Variants in TAPT1 observed in about 807,000 individuals in gnomAD.
TAPT1 encodes transmembrane anterior posterior transformation 1.
In TAPT1, 28 loss-of-function variants were observed where a neutral mutation model predicts 65.6. The observed-to-expected ratio is 0.43, with a 90% CI of 0.32 to 0.59. The LOEUF (loss-of-function observed/expected upper bound fraction) is 0.59. TAPT1 is among the 20% of genes least tolerant of loss of function. The pLI is 0.09. For missense variants in TAPT1, 563 were observed against 679.9 expected (o/e 0.83, Z 1.91); for synonymous variants, 278 against 245.2 (o/e 1.13, Z -1.25).
chr4:16,184,323 C>CA (rs1560163454), intron 7 of TAPT1, among the ~76,000 whole-genome samples: 6 of 152,306 alleles, frequency 3.9e-5, no homozygotes, highest in Non-Finnish European at 5.9e-5. Flanking sequence ...CTGAGACCTA[C>CA]ATAGCTGACA....
intron 5 of TAPT1, among the ~76,000 whole-genome samples, chr4:16,187,852 A>C (rs557961705): frequency 4.6e-5 from 7 of 152,318 alleles, no homozygotes; most frequent in African/African-American, 1.7e-4. Flanking sequence ...TAAGCCCATA[A>C]AAAAGAATTC....
Position 16,226,470 on chromosome 4 carries a change from A to G in TAPT1, c.-13T>C. On this transcript the variant is annotated 5_prime_UTR_variant, in exon 1 of 14. Coordinates refer to ENST00000405303, the MANE Select transcript of TAPT1 (RefSeq NM_153365.3). ...CGACGCCCGCCATGTTCCGAGCACA[A>G]CAAACTGTCCCCGCCGCCTCCCTCC... The G allele has an allele frequency of 9.5e-7, 1 of 1,053,286 alleles. No individual in the cohort carries two copies. Among genetic ancestry groups the G allele is most frequent in the Non-Finnish European group, 1.1e-6 (1 of 876,356 alleles). The allele number at this position is 1,053,286 out of a possible 1,614,324, so 65.2% of individuals were successfully genotyped here.
intron 2 of TAPT1, among the ~76,000 whole-genome samples, chr4:16,203,906 T>C (rs954059001): frequency 6.6e-6 from 1 of 152,218 alleles, no homozygotes; most frequent in African/African-American, 2.4e-5. Flanking sequence ...TCTGAATATA[T>C]AGGCCCTTTT....
chr4:16,186,485 C>G, intron 7 of TAPT1, 50 bp downstream of exon 7: 1 of 1,260,566 alleles, frequency 7.9e-7, no homozygotes. Context: ...TCAGAATGAA[C>G]TGCAAAATAA....
At chr4:16,211,443 T>A (rs1223995057) in intron 2 of TAPT1, among the ~76,000 whole-genome samples, 1 of 152,190 alleles carries the variant, frequency 6.6e-6, no homozygotes, top group East Asian at 1.9e-4. Flanking sequence ...GGAATTAAAC[T>A]GAAACCTAAA....
chr4:16,174,544 T>C (rs112953108), intron 10 of TAPT1, 126 bp downstream of exon 10: 50 of 814,056 alleles, frequency 6.1e-5, no homozygotes, highest in Non-Finnish European at 8.8e-5. Flanking sequence ...GTGTTGAGAA[T>C]AGAGATCAGT....
At chr4:16,166,982 C>T (rs1164610371) in intron 12 of TAPT1, 189 bp from the exon 13 acceptor site, 2 of 401,204 alleles carry the variant, frequency 5.0e-6, no homozygotes, top group Non-Finnish European at 8.9e-6. Flanking sequence ...TTCGGAATTC[C>T]TTAGTTCTCT....
chr4:16,187,996 CAG>C lies in TAPT1; in HGVS notation c.748+222_748+223del, dbSNP rs1749123431. On this transcript the variant is annotated intron_variant, in intron 5 of 13. Transcript: ENST00000405303. ...TCCTTATAATCAGTTACACTGCAAA[CAG>C]AACTGTTTTCCAGCAGCTCAAAGAG... is the stretch of plus-strand genomic sequence containing the variant. Among the ~76,000 whole-genome samples the C allele has an allele frequency of 2.0e-5, 3 of 152,144 alleles. No individual in the cohort carries two copies. In the South Asian group the frequency reaches 6.2e-4, roughly 31 times the overall value.
In TAPT1 at chr4:16,213,821, C is replaced by T. The variant is rs767696888; in HGVS notation, c.277G>A (p.Glu93Lys). 6.2e-7 allele frequency: 1 copy of T among 1,607,130 alleles called. No individual in the cohort carries two copies. Among genetic ancestry groups the T allele is most frequent in the Non-Finnish European group, 8.5e-7 (1 of 1,178,054 alleles). ...CAAGTGTATACTCTTTCTCTTCTTT[C>T]TGTATACTTGGCCTCATTATGTTCA... ...FLEHNEAKYT[E>K]RRERVYTCLR... The change falls in exon 2 of 14, where the codon GAA (glutamate) becomes AAA (lysine). Residue 93 changes from glutamate to lysine, a missense_variant. Transcript: ENST00000405303.
chr4:16,223,560 G>C (rs1751379359), intron 1 of TAPT1, among the ~76,000 whole-genome samples: 1 of 152,186 alleles, frequency 6.6e-6, no homozygotes, highest in African/African-American at 2.4e-5. Flanking sequence ...TATGTTAAAA[G>C]GTGTAAGTAC....
At chr4:16,178,500 G>A (rs921886626) in intron 8 of TAPT1, among the ~76,000 whole-genome samples, 1 of 152,212 alleles carries the variant, frequency 6.6e-6, no homozygotes, top group South Asian at 2.1e-4. Context: ...CAACAAAAAC[G>A]TCAGACATTC....
At chr4:16,201,956 T>C (rs185203427) in intron 3 of TAPT1, among the ~76,000 whole-genome samples, 1 of 152,232 alleles carries the variant, frequency 6.6e-6, no homozygotes, top group Admixed American at 6.5e-5. Flanking sequence ...CACAAATCAG[T>C]CTCGTCCATA....
intron 3 of TAPT1, among the ~76,000 whole-genome samples, chr4:16,194,933 TG>T (rs1392918805): frequency 7.9e-5 from 12 of 151,900 alleles, no homozygotes; most frequent in Admixed American, 7.9e-4. Context: ...GGTTTCACCA[TG>T]TTGGCCAGGA....
chr4:16,164,567 T>C (rs1366844302), intron 13 of TAPT1, among the ~76,000 whole-genome samples: 1 of 152,180 alleles, frequency 6.6e-6, no homozygotes, highest in Non-Finnish European at 1.5e-5. Context: ...GGATCCTCCT[T>C]GAAAGCAAGA....
chr4:16,166,441 G>A (rs1364392288), intron 13 of TAPT1, among the ~76,000 whole-genome samples, 192 bp downstream of exon 13: 3 of 152,196 alleles, frequency 2.0e-5, no homozygotes, highest in Admixed American at 6.5e-5. Context: ...GTTGAACAGC[G>A]AATGAGTAAA....
chr4:16,217,963 G>A (rs977462082), intron 1 of TAPT1, among the ~76,000 whole-genome samples: 1 of 152,232 alleles, frequency 6.6e-6, no homozygotes, highest in Non-Finnish European at 1.5e-5. Context: ...AGTGCCCTGG[G>A]TTTGGGAATA....
chr4:16,201,158 T>C (rs1750005960), intron 3 of TAPT1, among the ~76,000 whole-genome samples: 1 of 152,202 alleles, frequency 6.6e-6, no homozygotes, highest in African/African-American at 2.4e-5. Flanking sequence ...TCATAATAAT[T>C]ATTCCAATTT....
At chr4:16,209,522 G>T (rs753646691) in intron 2 of TAPT1, among the ~76,000 whole-genome samples, 2 of 152,188 alleles carry the variant, frequency 1.3e-5, no homozygotes, top group Non-Finnish European at 2.9e-5. Context: ...CCTATAATGT[G>T]TATTTCTTTA....
intron 13 of TAPT1, among the ~76,000 whole-genome samples, chr4:16,164,421 C>G (rs1747447313): frequency 1.3e-5 from 2 of 152,192 alleles, no homozygotes; most frequent in Non-Finnish European, 2.9e-5. Flanking sequence ...GTTCTCCAGT[C>G]TGTGTTCTCC....
Sources: gnomAD v4.1 joint callset for allele counts (sites outside exome capture counted in the v4.1 genomes callset) on GRCh38, gnomAD v4.1.1 for gene constraint, MANE v1.5 for transcripts, NCBI Gene and HGNC (gene_info 2026-07-23, HGNC 2026-07-21) for gene names.